C8orf34: variants seen among roughly 807,000 people sequenced by gnomAD.
C8orf34 encodes chromosome 8 open reading frame 34, also known as uncharacterized protein C8orf34.
In C8orf34, 65 loss-of-function variants were observed where a neutral mutation model predicts 68.3. That is an observed-to-expected ratio of 0.95 (90% confidence interval 0.78 to 1.17). C8orf34 has a LOEUF of 1.17. C8orf34 is among the 50% of genes most tolerant of loss of function. C8orf34 has a pLI of 0.00. For missense variants in C8orf34, 664 were observed against 655.4 expected, an observed-to-expected ratio of 1.01 and a Z score of -0.14; for synonymous variants, 244 against 241.2, an observed-to-expected ratio of 1.01 and a Z score of -0.11.
chr8:68,414,483 T>G (rs2129622542), intron 1 of C8orf34, among the ~76,000 whole-genome samples: 1 of 152,286 alleles, frequency 6.6e-6, no homozygotes, highest in South Asian at 2.1e-4. Context: ...GGAGGAAATT[T>G]TTTCAGGTAA....
At chr8:68,373,088 T>G (rs956210473) in intron 1 of C8orf34, among the ~76,000 whole-genome samples, 6 of 152,160 alleles carry the variant, frequency 3.9e-5, no homozygotes, top group Non-Finnish European at 7.3e-5. Context: ...CTCCACCTCC[T>G]GCATTCAATC....
chr8:68,355,092 C>A (rs1036704823), intron 1 of C8orf34, among the ~76,000 whole-genome samples: 2 of 152,034 alleles, frequency 1.3e-5, no homozygotes, highest in Non-Finnish European at 2.9e-5. Context: ...CCTTTATGTA[C>A]AGTGGATATG....
rs1047667065 is a variant in C8orf34, at chr8:68,374,574, G to A, written c.327+43235G>A. Among the ~76,000 whole-genome samples, 5 of 152,190 alleles carry A rather than the reference G, an allele frequency of 3.3e-5. No individual in the cohort carries two copies. In the South Asian group the frequency reaches 1.0e-3, roughly 32 times the overall value. The stretch of plus-strand genomic sequence containing the variant: ...CAACGCAAGCTTTGAAATTAGGAGA[G>A]TGAACCCTTGTGGATACCATATAGC... On this transcript the variant is annotated intron_variant, in intron 1 of 13. Coordinates refer to ENST00000518698, the MANE Select transcript of C8orf34 (RefSeq NM_052958.4).
At chr8:68,459,445 C>A (rs1012863262) in intron 3 of C8orf34, among the ~76,000 whole-genome samples, 4 of 152,000 alleles carry the variant, frequency 2.6e-5, no homozygotes, top group African/African-American at 9.7e-5. Context: ...GTTGGCCAGG[C>A]TGGTCTCGAG....
At chr8:68,657,583 G>C (rs1414876523) in intron 8 of C8orf34, among the ~76,000 whole-genome samples, 1 of 152,164 alleles carries the variant, frequency 6.6e-6, no homozygotes, top group East Asian at 1.9e-4. Flanking sequence ...AATGGACTAA[G>C]ACAGTTTTCT....
chr8:68,390,797 T>A (rs2129620655), intron 1 of C8orf34, among the ~76,000 whole-genome samples: 1 of 152,258 alleles, frequency 6.6e-6, no homozygotes, highest in South Asian at 2.1e-4. Flanking sequence ...TAGAGAGTTA[T>A]TTTAAGGAAT....
intron 7 of C8orf34, among the ~76,000 whole-genome samples, chr8:68,635,099 A>G (rs1818797339): frequency 6.6e-6 from 1 of 152,182 alleles, no homozygotes; most frequent in Non-Finnish European, 1.5e-5. Context: ...TTCTCATTAA[A>G]TACACTCAAA....
intron 7 of C8orf34, among the ~76,000 whole-genome samples, chr8:68,629,880 G>GA (rs1818640708): frequency 6.6e-6 from 1 of 151,962 alleles, no homozygotes. Context: ...TGTACAAAGT[G>GA]AAGTAATGAT....
intron 7 of C8orf34, among the ~76,000 whole-genome samples, chr8:68,545,120 T>C (rs1815830781): frequency 6.6e-6 from 1 of 152,098 alleles, no homozygotes; most frequent in African/African-American, 2.4e-5. Context: ...GAATTGTAGC[T>C]CCCATAATTC....
chr8:68,433,572 T>G lies in C8orf34; in HGVS notation c.328-5927T>G, dbSNP rs117840284. 1.1e-3 allele frequency among the ~76,000 whole-genome samples: 173 copies of G among 152,296 alleles called. 4 individuals carry two copies. In the East Asian group the frequency reaches 0.029, roughly 26 times the overall value. On this transcript the variant is annotated intron_variant, in intron 1 of 13. Coordinates refer to ENST00000518698, the MANE Select transcript of C8orf34 (RefSeq NM_052958.4). Reference sequence around the variant, plus strand: ...AAGTTAGTCCCAAGTCACAAATTTTTAGGCAGAGTGCCATGCTGGGTGTGT... The same window carrying G: ...AAGTTAGTCCCAAGTCACAAATTTTGAGGCAGAGTGCCATGCTGGGTGTGT...
intron 10 of C8orf34, among the ~76,000 whole-genome samples, chr8:68,759,173 T>G (rs1822957271): frequency 1.3e-5 from 2 of 152,150 alleles, no homozygotes; most frequent in Non-Finnish European, 2.9e-5. Flanking sequence ...TATATCCAAG[T>G]CACATTTTTT....
rs957522725 is a variant in C8orf34, at chr8:68,600,055, G to A, written c.1106-40321G>A. On this transcript the variant is annotated intron_variant, in intron 7 of 13. Transcript: ENST00000518698. ...TCAATATAATCATCAAAAGTGCAAA[G>A]TATAACTACAATACCAAATTATGAC... Among the ~76,000 whole-genome samples the A allele has an allele frequency of 3.3e-5, 5 of 152,196 alleles. No homozygotes were observed. In the South Asian group the frequency reaches 6.2e-4, roughly 19 times the overall value.
chr8:68,389,467 G>A (rs1191722669), intron 1 of C8orf34, among the ~76,000 whole-genome samples: 1 of 152,132 alleles, frequency 6.6e-6, no homozygotes, highest in Non-Finnish European at 1.5e-5. Flanking sequence ...ATGGTAGATG[G>A]AATGAAATAG....
intron 10 of C8orf34, among the ~76,000 whole-genome samples, chr8:68,771,261 C>G (rs945622624): frequency 6.6e-6 from 1 of 152,108 alleles, no homozygotes; most frequent in African/African-American, 2.4e-5. Flanking sequence ...ACTGCCTGTT[C>G]TTTTGGACAT....
At chr8:68,417,230 T>G (rs1193862107) in intron 1 of C8orf34, among the ~76,000 whole-genome samples, 1 of 152,192 alleles carries the variant, frequency 6.6e-6, no homozygotes, top group Non-Finnish European at 1.5e-5. Context: ...CTAAAAAGAT[T>G]AAAAATTACA....
chr8:68,626,156 A>G (rs1818532775), intron 7 of C8orf34, among the ~76,000 whole-genome samples: 1 of 152,152 alleles, frequency 6.6e-6, no homozygotes, highest in Non-Finnish European at 1.5e-5. Context: ...ATGGAGGAAA[A>G]TTGAAGCAAA....
chr8:68,759,320 A>G (rs1822960756), intron 10 of C8orf34, among the ~76,000 whole-genome samples: 1 of 152,230 alleles, frequency 6.6e-6, no homozygotes, highest in Admixed American at 6.5e-5. Context: ...TCTGTTAACT[A>G]GAAGTTATTC....
At position 68,472,924 on chromosome 8, in the gene C8orf34, A is replaced by G. The variant is rs555203000; in HGVS notation, c.736+4104A>G. Among the ~76,000 whole-genome samples, 5 of 152,268 alleles carry G rather than the reference A, an allele frequency of 3.3e-5. No individual in the cohort carries two copies. In the East Asian group the frequency reaches 9.7e-4, roughly 29 times the overall value. ...ATTTCAACTGGTCAGTAGCCACAGG[A>G]CAAGTGGCTACCATACTGGACATCA... On this transcript the variant is annotated intron_variant, in intron 4 of 13. Coordinates refer to ENST00000518698, the MANE Select transcript of C8orf34 (RefSeq NM_052958.4).
At chr8:68,704,719 T>C (rs2130946145) in intron 8 of C8orf34, among the ~76,000 whole-genome samples, 1 of 152,294 alleles carries the variant, frequency 6.6e-6, no homozygotes, top group South Asian at 2.1e-4. Context: ...GACTGCTTAC[T>C]CACAAATCTA....
Sources: allele counts gnomAD v4.1 joint callset (sites outside exome capture counted in the v4.1 genomes callset), GRCh38; gene constraint gnomAD v4.1.1; transcripts MANE v1.5; gene names NCBI Gene and HGNC (gene_info 2026-07-23, HGNC 2026-07-21).